The following SNX25 variants were observed in gnomAD, a reference collection of about 807,000 sequenced individuals.
SNX25 encodes sorting nexin 25.
In SNX25, 62 loss-of-function variants were observed where a neutral mutation model predicts 113.7. That is an observed-to-expected ratio of 0.55 (90% CI 0.44 to 0.67). The LOEUF (loss-of-function observed/expected upper bound fraction) is 0.67, where lower values mean the gene tolerates loss of function less well. Among genes scored for constraint, SNX25 ranks in the 30% least tolerant of loss-of-function variants. The pLI is 0.00. For missense variants in SNX25, 1,014 were observed against 1,161.0 expected (o/e 0.87, Z 1.84); for synonymous variants, 421 against 436.2 (o/e 0.97, Z 0.43).
chr4:185,262,438 T>A (rs898891461), intron 3 of SNX25, among the ~76,000 whole-genome samples: 1 of 152,208 alleles, frequency 6.6e-6, no homozygotes, highest in African/African-American at 2.4e-5. Flanking sequence ...GCATACAGTT[T>A]GAGGGAAAAA....
chr4:185,240,496 G>C lies in SNX25; in HGVS notation c.430-6798G>C, dbSNP rs1478560613. Among the ~76,000 whole-genome samples, 6 of 147,942 alleles carry C rather than the reference G, an allele frequency of 4.1e-5. No homozygotes were observed. In the East Asian group the frequency reaches 1.3e-3, roughly 31 times the overall value. On this transcript the variant is annotated intron_variant, in intron 1 of 18. Coordinates refer to ENST00000652585, the MANE Select transcript of SNX25 (RefSeq NM_001378034.2). ...CGGGCAGAGGCGCCCCTCACCTCCC[G>C]GATGGGGCGGCTGGCTGGGCGGGGG... is the stretch of plus-strand genomic sequence containing the variant.
In SNX25 at chr4:185,288,460, A is replaced by G. The variant is rs75811644; in HGVS notation, c.1162+378A>G. On this transcript the variant is annotated intron_variant, in intron 6 of 18. Transcript: ENST00000652585. ...CTTGATGGTCATTTAAATGACTCCA[A>G]TAAGTTGAGATTTCATAATTAATCT... Among the ~76,000 whole-genome samples, 511 of 152,240 alleles carry G rather than the reference A, an allele frequency of 3.4e-3. 14 individuals carry two copies. In the South Asian group the frequency reaches 0.052, roughly 16 times the overall value.
At chr4:185,377,285 G>T in the SNX25 span, 1 of 346,912 alleles carries the variant, frequency 2.9e-6, no homozygotes, top group Non-Finnish European at 5.4e-6. Flanking sequence ...CTGGGAGGCC[G>T]AGGCGGGTGG....
chr4:185,361,215 C>T (rs1196454348), intron 16 of SNX25, among the ~76,000 whole-genome samples: 1 of 152,190 alleles, frequency 6.6e-6, no homozygotes, highest in African/African-American at 2.4e-5. Flanking sequence ...GGAAAGCCTG[C>T]TCCTCCTGCG....
At position 185,310,623 on chromosome 4, in the gene SNX25, C is replaced by T. The variant is rs1560996782; in HGVS notation, c.1163-12C>T. On this transcript the variant is annotated splice_polypyrimidine_tract_variant and intron_variant, in intron 6 of 18. Coordinates refer to ENST00000652585, the MANE Select transcript of SNX25 (RefSeq NM_001378034.2). Reference sequence around the variant, plus strand: ...TCCTCTGACCAGGTACTGTTTCTCACTCCTATTCAAGGTAAAGAAACTGCG... The same window carrying T: ...TCCTCTGACCAGGTACTGTTTCTCATTCCTATTCAAGGTAAAGAAACTGCG... 5.6e-6 allele frequency: 9 copies of T among 1,610,938 alleles called. No homozygotes were observed. In the South Asian group the frequency reaches 7.8e-5, roughly 14 times the overall value.
chr4:185,282,064 G>A (rs768259340), intron 5 of SNX25, among the ~76,000 whole-genome samples: 15 of 152,052 alleles, frequency 9.9e-5, no homozygotes, highest in Non-Finnish European at 1.8e-4. Context: ...ATAAGCACTC[G>A]TAATGTGTAT....
chr4:185,357,785 C>G (rs777431768), intron 16 of SNX25, 48 bp downstream of exon 16: 2 of 1,473,052 alleles, frequency 1.4e-6, no homozygotes, highest in Middle Eastern at 1.7e-4. Flanking sequence ...ACTCTTTTGC[C>G]TTGACAGTCA....
chr4:185,372,890 T>C, downstream of SNX25: 3 of 1,609,256 alleles, frequency 1.9e-6, no homozygotes, highest in Non-Finnish European at 2.6e-6. Context: ...GTAAAAAATT[T>C]CATCTTATAG....
chr4:185,251,508 G>A (rs918380358), intron 2 of SNX25, among the ~76,000 whole-genome samples: 1 of 151,480 alleles, frequency 6.6e-6, no homozygotes, highest in African/African-American at 2.4e-5. Flanking sequence ...TTTGTGTTTG[G>A]CTTATTTTAC....
At chr4:185,370,531 T>A, downstream of SNX25, 1 of 1,116,446 alleles carries the variant, frequency 9.0e-7, no homozygotes, top group South Asian at 1.5e-5. Flanking sequence ...AGAGGTTATC[T>A]GCACAGTAAT....
intron 2 of SNX25, among the ~76,000 whole-genome samples, chr4:185,256,725 A>G (rs1746493986): frequency 6.6e-6 from 1 of 150,550 alleles, no homozygotes; most frequent in Admixed American, 6.7e-5. Flanking sequence ...TCCCAGGCTC[A>G]AATGATCCTC....
At chr4:185,283,163 C>T (rs1726608987) in intron 5 of SNX25, among the ~76,000 whole-genome samples, 1 of 152,156 alleles carries the variant, frequency 6.6e-6, no homozygotes, top group Non-Finnish European at 1.5e-5. Context: ...CCCCTGCTGT[C>T]AAGTGTTTGC....
upstream of SNX25, among the ~76,000 whole-genome samples, chr4:185,205,554 G>A (rs1481197837): frequency 2.0e-5 from 3 of 152,192 alleles, no homozygotes; most frequent in African/African-American, 7.2e-5. Flanking sequence ...GGTTGGCCCG[G>A]CGCGGTGGCT....
At chr4:185,352,667 G>A (rs775362682) in intron 14 of SNX25, among the ~76,000 whole-genome samples, 3 of 152,148 alleles carry the variant, frequency 2.0e-5, no homozygotes, top group Non-Finnish European at 2.9e-5. Flanking sequence ...GTTTGCTGTT[G>A]CTGGATTTCT....
intron 2 of SNX25, among the ~76,000 whole-genome samples, chr4:185,255,582 C>G (rs1196579293): frequency 2.6e-5 from 4 of 152,146 alleles, no homozygotes; most frequent in Admixed American, 2.6e-4. Flanking sequence ...CAAAGTACAG[C>G]CTTTTACATA....
At chr4:185,214,138 G>A (rs1223994574) in intron 1 of SNX25, among the ~76,000 whole-genome samples, 1 of 151,810 alleles carries the variant, frequency 6.6e-6, no homozygotes, top group Non-Finnish European at 1.5e-5. Context: ...GACTCTCCCT[G>A]TAGGGCAAGT....
chr4:185,291,663 A>T (rs914654290), intron 6 of SNX25, among the ~76,000 whole-genome samples: 15 of 152,166 alleles, frequency 9.9e-5, no homozygotes, highest in Admixed American at 3.9e-4. Flanking sequence ...TGTTGCTGGC[A>T]ATCCTTGGTG....
At chr4:185,268,433 T>C (rs1444914885) in intron 5 of SNX25, among the ~76,000 whole-genome samples, 1 of 152,206 alleles carries the variant, frequency 6.6e-6, no homozygotes, top group African/African-American at 2.4e-5. Flanking sequence ...TAATAGTATA[T>C]ACACATTTAG....
intron 13 of SNX25, 101 bp downstream of exon 13, chr4:185,346,751 A>C (rs1169991971): frequency 2.7e-6 from 2 of 729,764 alleles, no homozygotes; most frequent in African/African-American, 3.7e-5. Context: ...TTGTTCTCAC[A>C]AGCCATGCTA....
Sources: allele counts gnomAD v4.1 joint callset (sites outside exome capture counted in the v4.1 genomes callset), GRCh38; gene constraint gnomAD v4.1.1; transcripts MANE v1.5; gene names NCBI Gene and HGNC (gene_info 2026-07-23, HGNC 2026-07-21).